Variants in TTC39B observed in about 807,000 individuals in gnomAD.
The protein encoded by TTC39B is tetratricopeptide repeat domain 39B, also known as tetratricopeptide repeat protein 39B.
In TTC39B, 92 loss-of-function variants were observed where a neutral mutation model predicts 96.6. The ratio of observed to expected loss-of-function variants is 0.95; its 90% CI spans 0.80 to 1.13. The LOEUF is 1.13. Among genes scored for constraint, TTC39B ranks in the 50% most tolerant of loss-of-function variants. TTC39B has a pLI of 0.00. For synonymous variants in TTC39B, 367 were observed against 299.4 expected (o/e 1.23, Z -2.33); for missense variants, 955 against 809.3 (o/e 1.18, Z -2.18).
chr9:15,198,690 A>T (rs887382903), intron 8 of TTC39B, among the ~76,000 whole-genome samples: 1 of 151,900 alleles, frequency 6.6e-6, no homozygotes, highest in South Asian at 2.1e-4. Context: ...AAGACAGGAA[A>T]AAAGGGGGAG....
At chr9:15,249,481 C>G (rs1040218345) in intron 2 of TTC39B, 1 of 153,076 alleles carries the variant, frequency 6.5e-6, no homozygotes, top group Admixed American at 6.5e-5. Context: ...CAAAACAAAA[C>G]AAAATGCTAT....
chr9:15,221,745 T>TA (rs1820855004), intron 3 of TTC39B, among the ~76,000 whole-genome samples: 1 of 152,168 alleles, frequency 6.6e-6, no homozygotes, highest in African/African-American at 2.4e-5. Context: ...TTCATTTTTT[T>TA]AAAAAAGCAC....
intron 1 of TTC39B, among the ~76,000 whole-genome samples, chr9:15,288,723 C>G (rs549168244): frequency 1.3e-5 from 2 of 152,226 alleles, no homozygotes; most frequent in African/African-American, 4.8e-5. Flanking sequence ...GTTAAAAGAG[C>G]GCACTGTAAC....
intron 2 of TTC39B, among the ~76,000 whole-genome samples, chr9:15,247,698 G>A (rs1203082101): frequency 1.3e-5 from 2 of 152,080 alleles, no homozygotes; most frequent in Admixed American, 6.6e-5. Context: ...AGACATAAAT[G>A]TATATGTGCT....
intron 4 of TTC39B, among the ~76,000 whole-genome samples, chr9:15,213,139 G>A (rs552037873): frequency 6.6e-6 from 1 of 152,024 alleles, no homozygotes; most frequent in African/African-American, 2.4e-5. Flanking sequence ...AAGAAGACAG[G>A]CAAGTAGGCT....
exon 20 of TTC39B, chr9:15,166,134 T>G (rs1182400980): frequency 1.3e-5 from 2 of 152,200 alleles, no homozygotes; most frequent in Admixed American, 1.3e-4. Flanking sequence ...TTCTAAAAAC[T>G]ATGGCATTAA....
intron 6 of TTC39B, among the ~76,000 whole-genome samples, chr9:15,207,844 C>T (rs894153699): frequency 2.0e-5 from 3 of 151,042 alleles, no homozygotes; most frequent in Admixed American, 1.3e-4. Context: ...ATTAGCCAGG[C>T]GTGGTGGCGG....
chr9:15,177,690 G>A lies in TTC39B; in HGVS notation c.1841+7C>T. ...GCACTTGGGCTGGTTTTATTGTTTG[G>A]TCTTACCTTTCCACAACATGATTGT... On this transcript the variant is annotated splice_region_variant and intron_variant, in intron 18 of 19. Transcript: ENST00000512701. The A allele has an allele frequency of 6.3e-7, 1 of 1,594,878 alleles. No homozygotes were observed. Among genetic ancestry groups the A allele is most frequent in the Non-Finnish European group, 8.6e-7 (1 of 1,168,958 alleles).
At chr9:15,293,697 G>A (rs904321770) in intron 1 of TTC39B, among the ~76,000 whole-genome samples, 1 of 152,228 alleles carries the variant, frequency 6.6e-6, no homozygotes, top group East Asian at 1.9e-4. Context: ...CCTTACATGT[G>A]TTAAATCAAG....
chr9:15,183,523 C>T (rs1008544058), intron 16 of TTC39B: 8 of 331,878 alleles, frequency 2.4e-5, no homozygotes, highest in Non-Finnish European at 4.6e-5. Flanking sequence ...GTACATTCTA[C>T]TTCCATAGAC....
At chr9:15,236,885 C>G (rs542761513) in intron 2 of TTC39B, among the ~76,000 whole-genome samples, 3 of 152,036 alleles carry the variant, frequency 2.0e-5, no homozygotes, top group Non-Finnish European at 4.4e-5. Flanking sequence ...AGAAAGACCT[C>G]AAATTAACAA....
rs117359073 is a variant in TTC39B, at chr9:15,183,202, G to A, written c.1615-787C>T. On this transcript the variant is annotated intron_variant, in intron 16 of 19. Coordinates refer to ENST00000512701, the Ensembl canonical transcript of TTC39B. ...AGCAGGAGGTAGTGGAAATGAGGAC[G>A]ACACACTCAAGTAGAATGGCAGCAA... The A allele has an allele frequency of 4.5e-3, 1,330 of 293,200 alleles. 11 individuals carry two copies. Among genetic ancestry groups the A allele is most frequent in the Non-Finnish European group, 5.4e-3 (807 of 149,830 alleles). The allele number at this position is 293,200 out of a possible 1,614,324, so 18.2% of individuals were successfully genotyped here.
At chr9:15,250,239 A>AT (rs1057115701) in intron 2 of TTC39B, 21 of 1,088,100 alleles carry the variant, frequency 1.9e-5, no homozygotes, top group Middle Eastern at 6.3e-4. Flanking sequence ...ATGCCGGGAG[A>AT]TTTTTTTTCC....
intron 15 of TTC39B, among the ~76,000 whole-genome samples, chr9:15,185,720 G>T (rs1454378638): frequency 2.6e-5 from 4 of 152,188 alleles, no homozygotes; most frequent in Non-Finnish European, 4.4e-5. Context: ...ATCAAACACA[G>T]TCCAGGAAAT....
chr9:15,198,265 C>T (rs1323934573), intron 8 of TTC39B, among the ~76,000 whole-genome samples: 2 of 151,680 alleles, frequency 1.3e-5, no homozygotes, highest in East Asian at 3.9e-4. Context: ...GAGACCAGCC[C>T]GGTCAATATG....
At chr9:15,261,567 A>C (rs1030339799) in intron 2 of TTC39B, among the ~76,000 whole-genome samples, 3 of 152,072 alleles carry the variant, frequency 2.0e-5, no homozygotes, top group East Asian at 1.9e-4. Context: ...CCATGACCCA[A>C]CTTCATTTGT....
chr9:15,175,530 T>C (rs573113471), intron 18 of TTC39B, among the ~76,000 whole-genome samples: 2 of 152,152 alleles, frequency 1.3e-5, no homozygotes, highest in Non-Finnish European at 2.9e-5. Flanking sequence ...TATTTTAAAG[T>C]CTTATAATAC....
chr9:15,229,545 A>G (rs963448451), intron 2 of TTC39B, among the ~76,000 whole-genome samples: 1 of 152,190 alleles, frequency 6.6e-6, no homozygotes, highest in African/African-American at 2.4e-5. Flanking sequence ...AACAAACCTT[A>G]TTTCAACACT....
chr9:15,229,238 C>T (rs935266477), intron 2 of TTC39B, among the ~76,000 whole-genome samples: 5 of 152,124 alleles, frequency 3.3e-5, no homozygotes, highest in Middle Eastern at 3.2e-3. Context: ...TTCTTTCCTG[C>T]ATGGATAAGC....
Sources: gnomAD v4.1 joint callset for allele counts (sites outside exome capture counted in the v4.1 genomes callset) on GRCh38, gnomAD v4.1.1 for gene constraint, MANE v1.5 for transcripts, NCBI Gene and HGNC (gene_info 2026-07-23, HGNC 2026-07-21) for gene names.